The following PLEKHA7 variants were observed in gnomAD, a reference collection of about 807,000 sequenced individuals.
PLEKHA7 encodes the protein pleckstrin homology domain-containing family A member 7.
Under a neutral mutation model 170.0 loss-of-function variants are expected in PLEKHA7, and 104 were observed. The observed-to-expected ratio is 0.61, with a 90% CI of 0.52 to 0.72. The LOEUF is 0.72. Ranked by LOEUF, PLEKHA7 falls within the 30% of genes least tolerant of loss-of-function variation. The pLI is 0.00. For synonymous variants in PLEKHA7, 648 were observed against 660.8 expected (o/e 0.98, Z 0.30); for missense variants, 1,615 against 1,671.7 (o/e 0.97, Z 0.59).
At chr11:16,824,398 A>G (rs1233094797) in intron 10 of PLEKHA7, among the ~76,000 whole-genome samples, 1 of 152,246 alleles carries the variant, frequency 6.6e-6, no homozygotes, top group East Asian at 1.9e-4. Context: ...CTAAAAGGGT[A>G]TAACTGAAAT....
In PLEKHA7 at chr11:16,854,931, G is replaced by T; in HGVS notation, c.480C>A (p.Asn160Lys). ...CCCTCACCACCACGGGAACATTGGGGTTCCTCCGAATGGCCTGGTCTCTCT... is the reference window on the plus strand; with the variant it reads ...CCCTCACCACCACGGGAACATTGGGTTTCCTCCGAATGGCCTGGTCTCTCT... Reference protein sequence around the residue: ...FGKRDQAIRRNPNVPVVVRGW... With the variant: ...FGKRDQAIRRKPNVPVVVRGW... Residue 160 changes from asparagine to lysine, a missense_variant, in exon 6 of 27, where the codon AAC becomes AAA. Coordinates refer to ENST00000531066, the MANE Select transcript of PLEKHA7 (RefSeq NM_001329630.2). 7 of 1,614,094 alleles carry T rather than the reference G, an allele frequency of 4.3e-6. No individual in the cohort carries two copies. Among genetic ancestry groups the T allele is most frequent in the Non-Finnish European group, 5.9e-6 (7 of 1,179,998 alleles).
At chr11:16,929,247 C>T (rs1478475303) in intron 3 of PLEKHA7, among the ~76,000 whole-genome samples, 1 of 152,136 alleles carries the variant, frequency 6.6e-6, no homozygotes, top group East Asian at 1.9e-4. Flanking sequence ...CGCTAGGATA[C>T]CATGCAGGAA....
rs1299317811 is a variant in PLEKHA7 at position 16,789,976 on chromosome 11, C to G, written c.3053-98G>C. 12 of 1,051,884 alleles carry G rather than the reference C, an allele frequency of 1.1e-5. No homozygotes were observed. The highest frequency in any genetic ancestry group is 1.6e-5 in the Non-Finnish European group (11 of 691,380). 65.2% of individuals were successfully genotyped at this position (1,051,884 alleles called of 1,614,324 possible). A position where few individuals can be genotyped will look rare whatever the true frequency, so the allele number is the denominator to read the frequency against. ...ATTCTTGCAGGAGTACCAAGAGCAC[C>G]CAGTCAATGACCCACCCTTATTTCT... On this transcript the variant is annotated intron_variant, in intron 21 of 26. Coordinates refer to ENST00000531066, the MANE Select transcript of PLEKHA7 (RefSeq NM_001329630.2). The surrounding 1 kb of genome is among the most constrained non-coding windows in gnomAD (Gnocchi z 4.6).
intron 3 of PLEKHA7, among the ~76,000 whole-genome samples, chr11:16,957,978 C>T (rs1031268124): frequency 2.0e-5 from 3 of 151,956 alleles, no homozygotes; most frequent in Admixed American, 2.0e-4. Flanking sequence ...GCTGGGATTA[C>T]AGGTGTGAGC....
intron 5 of PLEKHA7, 103 bp from the exon 6 acceptor site, chr11:16,855,096 A>C: frequency 1.2e-6 from 1 of 865,564 alleles, no homozygotes; most frequent in Non-Finnish European, 1.9e-6. Context: ...CTCACTCTAA[A>C]TGGCAGCACC....
chr11:16,802,443 C>T (rs1218916303), intron 15 of PLEKHA7, among the ~76,000 whole-genome samples: 2 of 152,210 alleles, frequency 1.3e-5, no homozygotes, highest in African/African-American at 4.8e-5. Context: ...CTCTCCCAGG[C>T]TCACCTCACA....
chr11:16,787,306 A>G, intron 23 of PLEKHA7: 1 of 888,616 alleles, frequency 1.1e-6, no homozygotes, highest in Middle Eastern at 5.8e-4. Context: ...TCCACCTCAA[A>G]GCCCCAAATG....
At chr11:16,899,232 C>T (rs1857176113) in intron 3 of PLEKHA7, among the ~76,000 whole-genome samples, 1 of 152,206 alleles carries the variant, frequency 6.6e-6, no homozygotes, top group South Asian at 2.1e-4. Context: ...CGCGGTGGCT[C>T]ACGCCTGTAA....
chr11:16,892,619 C>CTTGTTTTTTTTT (rs1856733030), intron 3 of PLEKHA7, among the ~76,000 whole-genome samples: 1 of 82,414 alleles, frequency 1.2e-5, no homozygotes, highest in East Asian at 4.9e-4. Flanking sequence ...CTTCCAGCTT[C>CTTGTTTTTTTTT]TTTTTTTTTT....
In PLEKHA7 at chr11:16,816,120, G is replaced by A. The variant is rs1311901314; in HGVS notation, c.1953+58C>T. ...CTGGACTGCATTGTACTAACTCAGA[G>A]GAAGGAAAATGTTGATGAGATAGGG... On this transcript the variant is annotated intron_variant, in intron 12 of 26. Transcript: ENST00000531066. The A allele has an allele frequency of 4.2e-6, 6 of 1,422,630 alleles. No homozygotes were observed. In the East Asian group the frequency reaches 6.8e-5, roughly 16 times the overall value. 88.1% of individuals were successfully genotyped at this position (1,422,630 alleles called of 1,614,324 possible). A position where few individuals can be genotyped will look rare whatever the true frequency, so the allele number is the denominator to read the frequency against.
chr11:16,831,428 C>T (rs1274589180), intron 9 of PLEKHA7, among the ~76,000 whole-genome samples: 2 of 152,182 alleles, frequency 1.3e-5, no homozygotes, highest in African/African-American at 2.4e-5. Context: ...ACCCCTCGGC[C>T]GTCAATGACT....
intron 3 of PLEKHA7, among the ~76,000 whole-genome samples, chr11:16,937,060 T>C (rs951895235): frequency 2.0e-5 from 3 of 152,228 alleles, no homozygotes; most frequent in Non-Finnish European, 4.4e-5. Flanking sequence ...ATTGGATTTA[T>C]AGCAGGTTAA....
At chr11:16,918,572 G>A (rs984025701) in intron 3 of PLEKHA7, among the ~76,000 whole-genome samples, 3 of 152,148 alleles carry the variant, frequency 2.0e-5, no homozygotes, top group Admixed American at 6.5e-5. Flanking sequence ...CTGGTAAAAT[G>A]CCCAGCAAGT....
intron 3 of PLEKHA7, among the ~76,000 whole-genome samples, chr11:16,912,602 G>C (rs10766358): frequency 0.3 from 45,521 of 152,132 alleles, 8,512 homozygotes; most frequent in East Asian, 0.69. Context: ...GAATAGCAAA[G>C]TGTAAAACAA....
chr11:16,889,007 G>A (rs1367642925), intron 3 of PLEKHA7, among the ~76,000 whole-genome samples: 1 of 129,564 alleles, frequency 7.7e-6, no homozygotes, highest in Non-Finnish European at 1.6e-5. Flanking sequence ...CTCAGCTATT[G>A]TAACCCCTGT....
At chr11:16,992,648 TG>T (rs59194374) in intron 3 of PLEKHA7, among the ~76,000 whole-genome samples, 3,597 of 150,246 alleles carry the variant, frequency 0.024, 126 homozygotes, top group African/African-American at 0.084. Context: ...CCCAGCTACA[TG>T]GGAGGCAGAG....
chr11:16,925,255 T>A (rs1859427075), intron 3 of PLEKHA7, among the ~76,000 whole-genome samples: 1 of 152,202 alleles, frequency 6.6e-6, no homozygotes, highest in South Asian at 2.1e-4. Context: ...ACGCAGTCTG[T>A]ACTTGGAGAC....
In PLEKHA7 at chr11:16,947,410, A is replaced by G. The variant is rs1332183205; in HGVS notation, c.221+66579T>C. 5.3e-5 allele frequency among the ~76,000 whole-genome samples: 8 copies of G among 150,758 alleles called. No individual in the cohort carries two copies. The South Asian group carries it at 1.7e-3, about 32-fold the overall frequency. On this transcript the variant is annotated intron_variant, in intron 3 of 26. Coordinates refer to ENST00000531066, the MANE Select transcript of PLEKHA7 (RefSeq NM_001329630.2). ...GTTCGAGACCAGCCTGGCCAACATG[A>G]CAAAACTCCGTCTCTACTAAAAATA...
At chr11:16,991,762 C>A (rs920996534) in intron 3 of PLEKHA7, among the ~76,000 whole-genome samples, 1 of 152,088 alleles carries the variant, frequency 6.6e-6, no homozygotes, top group Non-Finnish European at 1.5e-5. Context: ...ATGGTTCGAG[C>A]GGAGAGGTGC....
Sources: gnomAD v4.1 joint callset for allele counts (sites outside exome capture counted in the v4.1 genomes callset) on GRCh38, gnomAD v4.1.1 for gene constraint, Gnocchi (gnomAD v3.1) non-coding constraint, MANE v1.5 for transcripts, NCBI Gene and HGNC (gene_info 2026-07-23, HGNC 2026-07-21) for gene names.